The following NCAM2 variants were observed in gnomAD, a reference collection of about 807,000 sequenced individuals.
NCAM2 encodes neural cell adhesion molecule 2.
A neutral mutation model predicts 98.1 loss-of-function variants in NCAM2; 30 were observed. The ratio of observed to expected loss-of-function variants is 0.31; its 90% confidence interval spans 0.23 to 0.41. NCAM2 has a LOEUF of 0.41. Ranked by LOEUF, NCAM2 falls within the 10% of genes least tolerant of loss-of-function variation. NCAM2 has a pLI of 1.00. For missense variants in NCAM2, 867 were observed against 1,005.8 expected (o/e 0.86, Z 1.87); for synonymous variants, 368 against 342.4 (o/e 1.07, Z -0.83).
chr21:21,402,522 A>G (rs1273249027), intron 9 of NCAM2, among the ~76,000 whole-genome samples: 1 of 152,002 alleles, frequency 6.6e-6, no homozygotes, highest in Admixed American at 6.6e-5. Flanking sequence ...CTGAACATAG[A>G]CCCTTATCAG....
At chr21:21,169,712 G>A (rs1476414310) in intron 1 of NCAM2, among the ~76,000 whole-genome samples, 1 of 152,170 alleles carries the variant, frequency 6.6e-6, no homozygotes, top group African/African-American at 2.4e-5. Context: ...ACTTTGGGAG[G>A]CTGAGACTGG....
chr21:21,301,737 A>G (rs1194772072), intron 5 of NCAM2, among the ~76,000 whole-genome samples: 2 of 151,664 alleles, frequency 1.3e-5, no homozygotes. Flanking sequence ...ATGGCTGCAT[A>G]GTATTCCATG....
chr21:21,493,712 C>CT (rs1377760733), intron 15 of NCAM2, among the ~76,000 whole-genome samples: 1 of 151,970 alleles, frequency 6.6e-6, no homozygotes, highest in Non-Finnish European at 1.5e-5. Flanking sequence ...TCCTCTCTTC[C>CT]TCCCTCCTTT....
chr21:21,333,954 A>T (rs941596115), intron 6 of NCAM2, among the ~76,000 whole-genome samples: 3 of 151,916 alleles, frequency 2.0e-5, no homozygotes, highest in African/African-American at 7.3e-5. Flanking sequence ...CTATATATGC[A>T]TTTATTATTA....
intron 8 of NCAM2, 84 bp downstream of exon 8, chr21:21,338,618 A>C (rs2074943685): frequency 1.5e-6 from 2 of 1,297,308 alleles, no homozygotes; most frequent in Admixed American, 3.0e-5. Flanking sequence ...ATTAGTCTCC[A>C]ATTTACCTAG....
intron 4 of NCAM2, among the ~76,000 whole-genome samples, chr21:21,289,479 T>C (rs1450918631): frequency 6.6e-6 from 1 of 151,936 alleles, no homozygotes; most frequent in African/African-American, 2.4e-5. Flanking sequence ...AAAAGTTACC[T>C]TTAAATATAC....
At chr21:21,158,137 G>T (rs958226522) in intron 1 of NCAM2, among the ~76,000 whole-genome samples, 3 of 152,086 alleles carry the variant, frequency 2.0e-5, no homozygotes, top group Non-Finnish European at 4.4e-5. Context: ...ACCCTCTTAA[G>T]AATTAAACAA....
chr21:21,262,992 C>T (rs1372020392), intron 1 of NCAM2, among the ~76,000 whole-genome samples: 2 of 152,082 alleles, frequency 1.3e-5, no homozygotes, highest in Non-Finnish European at 2.9e-5. Flanking sequence ...CCCACCGGGT[C>T]ACTCCCACAA....
chr21:21,211,562 A>G (rs1195918833), intron 1 of NCAM2, among the ~76,000 whole-genome samples: 2 of 152,184 alleles, frequency 1.3e-5, no homozygotes, highest in East Asian at 3.8e-4. Context: ...TAACTAGGCT[A>G]AGTATACTGA....
chr21:21,329,047 T>G (rs2147821475), intron 6 of NCAM2, among the ~76,000 whole-genome samples: 1 of 151,556 alleles, frequency 6.6e-6, no homozygotes, highest in East Asian at 2.0e-4. Context: ...TTCTGCCTCC[T>G]GGGTTCAACT....
intron 1 of NCAM2, among the ~76,000 whole-genome samples, chr21:21,115,227 C>T (rs975380924): frequency 6.6e-5 from 10 of 152,102 alleles, no homozygotes; most frequent in African/African-American, 2.4e-4. Context: ...ATGTTTACTG[C>T]TAGTAAGTAG....
Position 21,449,415 on chromosome 21 carries a change from C to G in NCAM2, c.1654+17134C>G, listed in dbSNP as rs568606717. ...GCTCATCTGACTGCTCAAACATACA[C>G]TCTTAAGGCAAATTTAAAATTCAAT... On this transcript the variant is annotated intron_variant, in intron 12 of 17. Coordinates refer to ENST00000400546, the MANE Select transcript of NCAM2 (RefSeq NM_004540.5). 1.5e-4 allele frequency among the ~76,000 whole-genome samples: 23 copies of G among 151,778 alleles called. No homozygotes were observed. In the South Asian group the frequency reaches 4.8e-3, roughly 32 times the overall value.
intron 1 of NCAM2, among the ~76,000 whole-genome samples, chr21:21,085,353 C>T (rs1039257337): frequency 1.3e-5 from 2 of 152,160 alleles, no homozygotes; most frequent in East Asian, 3.9e-4. Context: ...CCCTCTACCC[C>T]TCCCTGCCCT....
At chr21:21,490,421 T>C (rs1013855244) in intron 15 of NCAM2, among the ~76,000 whole-genome samples, 2 of 151,980 alleles carry the variant, frequency 1.3e-5, no homozygotes, top group African/African-American at 4.8e-5. Context: ...GTATTAAATT[T>C]AGATATATTG....
intron 2 of NCAM2, among the ~76,000 whole-genome samples, chr21:21,283,236 T>C (rs2072988931): frequency 6.6e-6 from 1 of 151,980 alleles, no homozygotes; most frequent in Non-Finnish European, 1.5e-5. Flanking sequence ...CTAAAACCAT[T>C]TCTTCGGAAA....
rs556947335 is a variant in NCAM2 at position 21,036,189 on chromosome 21, C to T, written c.55+37571C>T. Among the ~76,000 whole-genome samples, 172 of 152,228 alleles carry T rather than the reference C, an allele frequency of 1.1e-3. 1 individual carries two copies. The highest frequency in any genetic ancestry group is 1.7e-3 in the Admixed American group (26 of 15,280). Reference sequence around the variant, plus strand: ...TTAAAGCACTTGATCAAAATATGATCCCCACTCACTGTGAAATAATAGTCA... The same window carrying T: ...TTAAAGCACTTGATCAAAATATGATTCCCACTCACTGTGAAATAATAGTCA... On this transcript the variant is annotated intron_variant, in intron 1 of 17. Transcript: ENST00000400546.
intron 1 of NCAM2, among the ~76,000 whole-genome samples, chr21:21,159,125 AG>A (rs1445786579): frequency 6.6e-6 from 1 of 152,200 alleles, no homozygotes; most frequent in Non-Finnish European, 1.5e-5. Flanking sequence ...TAAGTATAAA[AG>A]GTAAAATAAA....
intron 1 of NCAM2, among the ~76,000 whole-genome samples, chr21:21,257,257 C>T (rs1014191220): frequency 6.6e-6 from 1 of 152,150 alleles, no homozygotes; most frequent in Non-Finnish European, 1.5e-5. Flanking sequence ...AGGTTCTGAA[C>T]AAAGGCTGGT....
At chr21:21,458,995 C>CA (rs1291973053) in intron 12 of NCAM2, among the ~76,000 whole-genome samples, 2 of 152,194 alleles carry the variant, frequency 1.3e-5, no homozygotes, top group East Asian at 3.9e-4. Context: ...TCATACAACT[C>CA]AATAGCACAA....
Sources: gnomAD v4.1 joint callset for allele counts (sites outside exome capture counted in the v4.1 genomes callset) on GRCh38, gnomAD v4.1.1 for gene constraint, MANE v1.5 for transcripts, NCBI Gene and HGNC (gene_info 2026-07-23, HGNC 2026-07-21) for gene names.